Variants in OGFR observed in about 807,000 individuals in gnomAD.
The protein encoded by OGFR is opioid growth factor receptor.
OGFR carries 18 observed loss-of-function variants against 33.6 expected under a neutral mutation model. That is an observed-to-expected ratio of 0.54 (90% CI 0.37 to 0.80). The LOEUF (loss-of-function observed/expected upper bound fraction) is 0.80, where lower values mean the gene tolerates loss of function less well. Among genes scored for constraint, OGFR ranks in the 30% least tolerant of loss-of-function variants. The pLI, the probability that OGFR is intolerant of heterozygous loss-of-function variation, is 0.00. For synonymous variants in OGFR, 370 were observed against 400.7 expected (o/e 0.92, Z 0.91); for missense variants, 877 against 955.8 (o/e 0.92, Z 1.09).
rs149983757 is a variant in OGFR, at chr20:62,811,475, C to G, written c.479C>G (p.Ser160Cys). 26 of 1,611,570 alleles carry G rather than the reference C, an allele frequency of 1.6e-5. No individual in the cohort carries two copies. The African/African-American group carries it at 2.5e-4, about 16-fold the overall frequency. ...GGTCTTTTCCAGGTGTTTAAAAGCT[C>G]CCAGGAGATCCAGGAGCGGCTTGTC... ...TLREVEVFKS[S>C]QEIQERLVRA... Residue 160 changes from serine (S) to cysteine (C), a missense_variant, in exon 6 of 7, where the codon TCC becomes TGC. This residue lies in a region of OGFR where 760 missense variants were observed against 736.0 expected (regional missense o/e 1.03). Transcript: ENST00000290291.
chr20:62,810,505 T>C lies in OGFR; in HGVS notation c.405T>C (p.Phe135=), dbSNP rs757440793. 1.9e-6 allele frequency: 3 copies of C among 1,613,284 alleles called. No individual in the cohort carries two copies. The highest frequency in any genetic ancestry group is 2.5e-6 in the Non-Finnish European group (3 of 1,179,858). Residue 135 remains phenylalanine (F), a synonymous_variant, in exon 5 of 7, where the codon TTT becomes TTC. Coordinates refer to ENST00000290291, the MANE Select transcript of OGFR (RefSeq NM_007346.4). ...AGCATCTCTTCTCCTGCAGGCTGTTTCCTCTGCGAGAACCAGGAGTGAACT... is the reference window on the plus strand; with the variant it reads ...AGCATCTCTTCTCCTGCAGGCTGTTCCCTCTGCGAGAACCAGGAGTGAACT... The part of the protein sequence containing the change: ...EDNHSYIQWL[F]PLREPGVNWH...
intron 5 of OGFR, 143 bp downstream of exon 5, chr20:62,810,708 C>T (rs1361596185): frequency 1.5e-6 from 1 of 670,994 alleles, no homozygotes; most frequent in Admixed American, 2.5e-5. Context: ...GCCGAAAGAG[C>T]CTCCAGTATG....
intron 3 of OGFR, among the ~76,000 whole-genome samples, chr20:62,808,640 G>T (rs920854795): frequency 6.6e-6 from 1 of 152,118 alleles, no homozygotes; most frequent in African/African-American, 2.4e-5. Flanking sequence ...GTAAACCAAC[G>T]AGCTAAGGAT....
intron 5 of OGFR, 98 bp from the exon 6 acceptor site, chr20:62,811,364 C>T: frequency 1.5e-6 from 2 of 1,307,366 alleles, no homozygotes; most frequent in South Asian, 1.3e-5. Context: ...TCTGTCTAGT[C>T]CAGGCCTCTG....
rs200688146 is a variant in OGFR at position 62,807,529 on chromosome 20, C to T, written c.172-8C>T. ...TGGGGGTCCTAATCCCATCTCTTTT[C>T]TTCCCAGTCCAGAATGACAGGGTCC... On this transcript the variant is annotated splice_polypyrimidine_tract_variant and splice_region_variant and intron_variant, in intron 1 of 6. Transcript: ENST00000290291. The T allele has an allele frequency of 1.2e-6, 2 of 1,612,200 alleles. No individual in the cohort carries two copies. Among genetic ancestry groups the T allele is most frequent in the Middle Eastern group, 1.7e-4 (1 of 6,060 alleles).
rs1990757288 is a variant in OGFR at position 62,812,592 on chromosome 20, A to G, written c.977A>G (p.Gln326Arg). Residue 326 changes from glutamine (Q) to arginine (R), a missense_variant, in exon 7 of 7, where the codon CAG (glutamine) becomes CGG (arginine). Around this residue, in one of 3 missense-constraint regions of OGFR, gnomAD observed 760 missense variants for 736.0 expected, o/e 1.03. Coordinates refer to ENST00000290291, the MANE Select transcript of OGFR (RefSeq NM_007346.4). ...PGDPDHEASTQGRTCGPEHSK... is the reference protein window; with the variant it reads ...PGDPDHEASTRGRTCGPEHSK... Reference sequence around the variant, plus strand: ...GACCCCGACCACGAGGCCAGCACCCAGGGTCGGACCTGTGGGCCAGAGCAT... The same window carrying G: ...GACCCCGACCACGAGGCCAGCACCCGGGGTCGGACCTGTGGGCCAGAGCAT... 2 of 1,570,016 alleles carry G rather than the reference A, an allele frequency of 1.3e-6. No individual in the cohort carries two copies. Among genetic ancestry groups the G allele is most frequent in the East Asian group, 4.7e-5 (2 of 42,598 alleles).
intron 3 of OGFR, among the ~76,000 whole-genome samples, chr20:62,808,752 T>A (rs1490806684): frequency 6.6e-6 from 1 of 152,034 alleles, no homozygotes; most frequent in Non-Finnish European, 1.5e-5. Flanking sequence ...GGCGGGTGGA[T>A]CACAAAGTCA....
intron 1 of OGFR, 50 bp downstream of exon 1, chr20:62,805,080 C>G (rs1466804116): frequency 7.8e-7 from 1 of 1,274,464 alleles, no homozygotes; most frequent in African/African-American, 1.6e-5. Flanking sequence ...CGCCCCCCGC[C>G]CGGCTGCGTG....
chr20:62,807,325 G>C (rs1473886317), intron 1 of OGFR: 1 of 599,026 alleles, frequency 1.7e-6, no homozygotes, highest in East Asian at 2.8e-5. Context: ...TTCTGTGCAG[G>C]GTATTGGGAT....
Position 62,812,426 on chromosome 20 carries a change from G to A in OGFR, c.811G>A (p.Val271Met), listed in dbSNP as rs113980351. The change falls in exon 7 of 7, where the codon GTG becomes ATG. Residue 271 changes from valine (V) to methionine (M), a missense_variant. Coordinates refer to ENST00000290291, the MANE Select transcript of OGFR (RefSeq NM_007346.4). ...CTGCCGACACCAGCGCCGCCAGCTG[G>A]TGCACTTCGCCTGGGAGCACTTCCG... ...VRCRHQRRQL[V>M]HFAWEHFRPR... is the part of the protein sequence containing the mutation. The A allele has an allele frequency of 6.3e-7, 1 of 1,580,248 alleles. No homozygotes were observed. The highest frequency in any genetic ancestry group is 8.6e-7 in the Non-Finnish European group (1 of 1,163,892).
Position 62,804,985 on chromosome 20 carries a change from C to A in OGFR, c.126C>A (p.Asp42Glu), listed in dbSNP as rs1462407143. The A allele has an allele frequency of 4.1e-5, 60 of 1,481,172 alleles. No homozygotes were observed. Among genetic ancestry groups the A allele is most frequent in the Non-Finnish European group, 4.9e-5 (55 of 1,117,656 alleles). 91.8% of individuals were successfully genotyped at this position (1,481,172 alleles called of 1,614,324 possible). ...GGGACGCGGACGCAGGGGACGAGGA[C>A]GAGGAGTCGGAGGAGCCGCGGGCGG... ...GARDADAGDE[D>E]EESEEPRAAR... is the part of the protein sequence containing the mutation. Residue 42 changes from aspartate (D) to glutamate (E), a missense_variant, in exon 1 of 7, where the codon GAC (aspartate) becomes GAA (glutamate). Transcript: ENST00000290291.
At position 62,812,799 on chromosome 20, in the gene OGFR, C is replaced by A; in HGVS notation, c.1184C>A (p.Pro395Gln). The change falls in exon 7 of 7, where the codon CCG becomes CAG. Residue 395 changes from proline (P) to glutamine (Q), a missense_variant. Physicochemically the swap from Pro to Gln is moderately conservative, Grantham distance 76. This residue lies in a region of OGFR where 760 missense variants were observed against 736.0 expected (regional missense o/e 1.03). Transcript: ENST00000290291. ...RKLELSRREQ[P>Q]PTEPGPQSAS... is the part of the protein sequence containing the mutation. Reference sequence around the variant, plus strand: ...CTGGAGCTGAGCCGGCGGGAGCAGCCGCCCACAGAGCCAGGCCCTCAGAGT... The same window carrying A: ...CTGGAGCTGAGCCGGCGGGAGCAGCAGCCCACAGAGCCAGGCCCTCAGAGT... 1 of 1,612,598 alleles carries A rather than the reference C, an allele frequency of 6.2e-7. No individual in the cohort carries two copies. Among genetic ancestry groups the A allele is most frequent in the Non-Finnish European group, 8.5e-7 (1 of 1,179,848 alleles).
In OGFR at chr20:62,813,725, C is replaced by T; in HGVS notation, c.*76C>T. The T allele has an allele frequency of 1.3e-6, 2 of 1,534,682 alleles. No homozygotes were observed. Among genetic ancestry groups the T allele is most frequent in the South Asian group, 1.1e-5 (1 of 88,312 alleles). On this transcript the variant is annotated 3_prime_UTR_variant, in exon 7 of 7. Transcript: ENST00000290291. ...CTGGGGCCTCCGGAGCTGCTGCGGG[C>T]TCCCCTCAGGCTCTGCTTCGTGACC... is the stretch of plus-strand genomic sequence containing the variant.
chr20:62,813,432 C>G lies in OGFR; in HGVS notation c.1817C>G (p.Pro606Arg), dbSNP rs866414782. The stretch of plus-strand genomic sequence containing the variant: ...CCATCGGAGACCCCAGGCCCCCGCC[C>G]GGCAGGACCTGCAGGGGACGAGCCA... Reference protein sequence around the residue: ...ESPSETPGPRPAGPAGDEPAE... With the variant: ...ESPSETPGPRRAGPAGDEPAE... Residue 606 changes from proline to arginine, a missense_variant, in exon 7 of 7, where the codon CCG (proline) becomes CGG (arginine). Physicochemically the swap from Pro to Arg is moderately radical, Grantham distance 103 (BLOSUM62 -2). Transcript: ENST00000290291. 4 of 1,507,030 alleles carry G rather than the reference C, an allele frequency of 2.7e-6. No homozygotes were observed. The highest frequency in any genetic ancestry group is 4.5e-4 in the Middle Eastern group (2 of 4,406). The allele number at this position is 1,507,030 out of a possible 1,614,324, so 93.4% of individuals were successfully genotyped here. A position where few individuals can be genotyped will look rare whatever the true frequency, so the allele number is the denominator to read the frequency against.
In OGFR at chr20:62,812,630, G is replaced by T. The variant is rs760257651; in HGVS notation, c.1015G>T (p.Gly339Cys). Residue 339 changes from glycine to cysteine, a missense_variant, in exon 7 of 7, where the codon GGC becomes TGC. Gly to Cys is a radical substitution (Grantham distance 159, BLOSUM62 -3). This residue lies in a region of OGFR where 760 missense variants were observed against 736.0 expected (regional missense o/e 1.03). Transcript: ENST00000290291. ...TGGGCCAGAGCATAGCAAGGGTGGG[G>T]GCAGGGTGGACGAGGGGCCCCAGCC... ...TCGPEHSKGG[G>C]RVDEGPQPRS... is the part of the protein sequence containing the mutation. The T allele has an allele frequency of 3.2e-6, 5 of 1,561,304 alleles. No individual in the cohort carries two copies. In the African/African-American group the frequency reaches 5.4e-5, roughly 17 times the overall value.
At chr20:62,811,403 C>T in intron 5 of OGFR, 59 bp from the exon 6 acceptor site, 1 of 1,589,148 alleles carries the variant, frequency 6.3e-7, no homozygotes, top group Admixed American at 1.8e-5. Flanking sequence ...GCCACCCCCA[C>T]ACTCAGGAAC....
chr20:62,813,460 C>T lies in OGFR; in HGVS notation c.1845C>T (p.Ala615=), dbSNP rs1268151592. The T allele has an allele frequency of 1.1e-5, 15 of 1,427,808 alleles. No individual in the cohort carries two copies. The highest frequency in any genetic ancestry group is 3.9e-5 in the South Asian group (3 of 76,968). The allele number at this position is 1,427,808 out of a possible 1,614,324, so 88.4% of individuals were successfully genotyped here. ...CAGGACCTGCAGGGGACGAGCCAGC[C>T]GAGAGCCCATCGGAGACCCCAGGCC... ...RPAGPAGDEP[A]ESPSETPGPR... is the part of the protein sequence containing the mutation. The change falls in exon 7 of 7, where the codon GCC becomes GCT. Residue 615 remains alanine (A), a synonymous_variant. Coordinates refer to ENST00000290291, the MANE Select transcript of OGFR (RefSeq NM_007346.4).
chr20:62,812,246 C>G lies in OGFR; in HGVS notation c.631C>G (p.Leu211Val). 1 of 1,516,290 alleles carries G rather than the reference C, an allele frequency of 6.6e-7. No individual in the cohort carries two copies. The highest frequency in any genetic ancestry group is 8.8e-7 in the Non-Finnish European group (1 of 1,130,070). The allele number at this position is 1,516,290 out of a possible 1,614,324, so 93.9% of individuals were successfully genotyped here. ...CTCTCGCAGGCGCAGCCACAACAAC[C>G]TCCGCATCACACGCATCCTCAAGTC... Reference protein sequence around the residue: ...QNLNWRSHNNLRITRILKSLG... With the variant: ...QNLNWRSHNNVRITRILKSLG... Residue 211 changes from leucine to valine, a missense_variant, in exon 7 of 7, where the codon CTC becomes GTC. By Grantham distance (32) the Leu-to-Val change is conservative. Transcript: ENST00000290291.
intron 4 of OGFR, 49 bp downstream of exon 4, chr20:62,809,712 G>A: frequency 1.8e-6 from 2 of 1,128,866 alleles, no homozygotes; most frequent in Admixed American, 1.7e-5. Context: ...GCCACAGGGG[G>A]AGGGCCCTCC....
Sources: allele counts gnomAD v4.1 joint callset (sites outside exome capture counted in the v4.1 genomes callset), GRCh38; gene constraint gnomAD v4.1.1; regional missense constraint gnomAD v4.1.1; transcripts MANE v1.5; gene names NCBI Gene and HGNC (gene_info 2026-07-23, HGNC 2026-07-21).